The following ACTR3C variants were observed in gnomAD, a reference collection of about 807,000 sequenced individuals.
ACTR3C encodes actin related protein 3C.
Under a neutral mutation model 26.3 loss-of-function variants are expected in ACTR3C, and 18 were observed. The ratio of observed to expected loss-of-function variants is 0.68; its 90% CI spans 0.47 to 1.01. The LOEUF is 1.01. Among genes scored for constraint, ACTR3C ranks in the 50% least tolerant of loss-of-function variants. ACTR3C has a pLI of 0.00. For missense variants in ACTR3C, 184 were observed against 250.7 expected (o/e 0.73, Z 1.80); for synonymous variants, 55 against 94.5 (o/e 0.58, Z 2.42).
the ACTR3C span, among the ~76,000 whole-genome samples, chr7:150,003,586 T>C: frequency 4.6e-5 from 7 of 152,128 alleles, no homozygotes; most frequent in African/African-American, 1.7e-4. Flanking sequence ...GTACATGTGG[T>C]ATGTAGTGTG....
chr7:150,193,145 T>G, the ACTR3C span, among the ~76,000 whole-genome samples: 29,085 of 151,800 alleles, frequency 0.19, 4,829 homozygotes, highest in African/African-American at 0.45. Flanking sequence ...TTACTAAATT[T>G]TTTCTGCCTA....
chr7:150,161,565 A>C, the ACTR3C span, among the ~76,000 whole-genome samples: 34 of 152,174 alleles, frequency 2.2e-4, no homozygotes, highest in Admixed American at 3.3e-4. Flanking sequence ...ATGGCTGCAT[A>C]GTATTCCATG....
At chr7:150,104,311 A>G in the ACTR3C span, among the ~76,000 whole-genome samples, 2 of 151,902 alleles carry the variant, frequency 1.3e-5, no homozygotes, top group South Asian at 2.1e-4. Flanking sequence ...GAACTTCTCC[A>G]TCCCTACATC....
chr7:149,999,565 C>A, the ACTR3C span, among the ~76,000 whole-genome samples: 1 of 151,078 alleles, frequency 6.6e-6, no homozygotes, highest in Admixed American at 6.7e-5. Context: ...TTTGTAAACT[C>A]TGGTAGGAGA....
the ACTR3C span, among the ~76,000 whole-genome samples, chr7:150,041,913 G>GT: frequency 2.0e-4 from 30 of 149,296 alleles, no homozygotes; most frequent in Middle Eastern, 3.5e-3. Flanking sequence ...TCAGAGCCAG[G>GT]GGGGGAAGAG....
the ACTR3C span, among the ~76,000 whole-genome samples, chr7:149,946,542 G>T: frequency 6.6e-6 from 1 of 152,172 alleles, no homozygotes; most frequent in Admixed American, 6.5e-5. Flanking sequence ...TCCCAGGATT[G>T]GTTTCCCCCA....
chr7:150,146,213 C>T, the ACTR3C span, among the ~76,000 whole-genome samples: 1 of 151,250 alleles, frequency 6.6e-6, no homozygotes, highest in Non-Finnish European at 1.5e-5. Flanking sequence ...ACTATCATCA[C>T]CAAATCCAAC....
At chr7:150,133,056 T>C in the ACTR3C span, among the ~76,000 whole-genome samples, 1 of 152,154 alleles carries the variant, frequency 6.6e-6, no homozygotes, top group African/African-American at 2.4e-5. Flanking sequence ...ACCCTAGACA[T>C]GAGCTCATTA....
chr7:150,025,028 A>G, the ACTR3C span, among the ~76,000 whole-genome samples: 1 of 152,034 alleles, frequency 6.6e-6, no homozygotes, highest in South Asian at 2.1e-4. Context: ...AAACATATAA[A>G]CTAACACCAT....
the ACTR3C span, among the ~76,000 whole-genome samples, chr7:150,191,569 G>C: frequency 8.5e-5 from 13 of 152,100 alleles, no homozygotes; most frequent in African/African-American, 3.1e-4. Flanking sequence ...TGAATCTTGT[G>C]ACCTTGCTAA....
chr7:150,151,397 C>G, the ACTR3C span, among the ~76,000 whole-genome samples: 1 of 137,462 alleles, frequency 7.3e-6, no homozygotes, highest in African/African-American at 2.5e-5. Flanking sequence ...ATTTCTATAA[C>G]TATCTCATCA....
chr7:150,277,398 C>A (rs1834968054), intron 6 of ACTR3C, among the ~76,000 whole-genome samples: 1 of 152,200 alleles, frequency 6.6e-6, no homozygotes, highest in African/African-American at 2.4e-5. Context: ...TTTCTCTGCT[C>A]ATCCTTAAAA....
At chr7:150,042,743 A>C in the ACTR3C span, among the ~76,000 whole-genome samples, 1 of 151,584 alleles carries the variant, frequency 6.6e-6, no homozygotes, top group Non-Finnish European at 1.5e-5. Context: ...GCCCTCTAAT[A>C]GGGGGGCCAT....
chr7:150,278,465 A>G (rs1835062965), intron 6 of ACTR3C, among the ~76,000 whole-genome samples: 1 of 152,212 alleles, frequency 6.6e-6, no homozygotes, highest in Admixed American at 6.5e-5. Context: ...ACTCCTGTCC[A>G]CACGGAGGCC....
the ACTR3C span, among the ~76,000 whole-genome samples, chr7:150,135,259 G>A: frequency 1.7e-3 from 266 of 152,318 alleles, no homozygotes; most frequent in Middle Eastern, 6.8e-3. Flanking sequence ...GGGACACAGC[G>A]AGACTCCGTC....
chr7:150,300,266 TGCTTGA>T lies in ACTR3C; in HGVS notation c.-51-4925_-51-4920del, dbSNP rs1346188927. Among the ~76,000 whole-genome samples, 13 of 152,112 alleles carry T rather than the reference TGCTTGA, an allele frequency of 8.5e-5. No homozygotes were observed. In the East Asian group the frequency reaches 2.5e-3, roughly 30 times the overall value. ...CTCAGGAGGCTTGAGGCAGGGGAAT[TGCTTGA>T]ACCCGGGAGGCGGAGGTTGCGGTGA... On this transcript the variant is annotated intron_variant, in intron 1 of 7. Transcript: ENST00000683684.
chr7:150,076,250 G>T, the ACTR3C span, among the ~76,000 whole-genome samples: 4 of 151,846 alleles, frequency 2.6e-5, no homozygotes, highest in Admixed American at 2.6e-4. Flanking sequence ...TAAATCTGTT[G>T]TGTCTCCAAC....
intron 1 of ACTR3C, among the ~76,000 whole-genome samples, chr7:150,315,818 C>T (rs759679837): frequency 6.8e-6 from 1 of 147,702 alleles, no homozygotes; most frequent in Non-Finnish European, 1.5e-5. Context: ...CACAAACACT[C>T]CCAACACTAT....
At chr7:150,068,884 G>A in the ACTR3C span, among the ~76,000 whole-genome samples, 1 of 151,284 alleles carries the variant, frequency 6.6e-6, no homozygotes, top group Non-Finnish European at 1.5e-5. Flanking sequence ...AATTTACTTT[G>A]TAAGGAAAAG....
Sources: allele counts gnomAD v4.1 joint callset (sites outside exome capture counted in the v4.1 genomes callset), GRCh38; gene constraint gnomAD v4.1.1; transcripts MANE v1.5; gene names NCBI Gene and HGNC (gene_info 2026-07-23, HGNC 2026-07-21).